The following EXOC5 variants were observed in gnomAD, a reference collection of about 807,000 sequenced individuals.
EXOC5 encodes SEC10-like 1.
A neutral mutation model predicts 90.8 loss-of-function variants in EXOC5; 17 were observed. That is an observed-to-expected ratio of 0.19 (90% CI 0.13 to 0.28). The LOEUF is 0.28. Among genes scored for constraint, EXOC5 ranks in the 10% least tolerant of loss-of-function variants. EXOC5 has a pLI of 1.00. For missense variants in EXOC5, 569 were observed against 830.6 expected, an observed-to-expected ratio of 0.69 and a Z score of 3.87; for synonymous variants, 260 against 270.0, an observed-to-expected ratio of 0.96 and a Z score of 0.36.
At position 57,205,705 on chromosome 14, in the gene EXOC5, A is replaced by T. The variant is rs1882630459; in HGVS notation, c.*2904T>A. 1 of 354,128 alleles carries T rather than the reference A, an allele frequency of 2.8e-6. No individual in the cohort carries two copies. Among genetic ancestry groups the T allele is most frequent in the Non-Finnish European group, 5.4e-6 (1 of 184,908 alleles). The allele number at this position is 354,128 out of a possible 1,614,324, so 21.9% of individuals were successfully genotyped here. On this transcript the variant is annotated 3_prime_UTR_variant, in exon 18 of 18. Coordinates refer to ENST00000621441, the MANE Select transcript of EXOC5 (RefSeq NM_006544.4). ...TTAAATTATTTCACTGTGAACCAGAAGGCTAGTATTTAGAAAGCAAAATAT... is the reference window on the plus strand; with the variant it reads ...TTAAATTATTTCACTGTGAACCAGATGGCTAGTATTTAGAAAGCAAAATAT...
Position 57,225,992 on chromosome 14 carries a change from A to C in EXOC5, c.1297-3576T>G, listed in dbSNP as rs543942932. Among the ~76,000 whole-genome samples, 17 of 152,278 alleles carry C rather than the reference A, an allele frequency of 1.1e-4. No homozygotes were observed. In the East Asian group the frequency reaches 3.3e-3, roughly 29 times the overall value. ...GTCAGAGGTGGGTAGAGGAATAATC[A>C]CTTGTGCCTTAATCTGGCTCGGTGA... On this transcript the variant is annotated intron_variant, in intron 12 of 17. Coordinates refer to ENST00000621441, the MANE Select transcript of EXOC5 (RefSeq NM_006544.4).
At chr14:57,235,865 C>T (rs1883641298) in intron 6 of EXOC5, 45 bp from the exon 7 acceptor site, 5 of 897,112 alleles carry the variant, frequency 5.6e-6, no homozygotes, top group Non-Finnish European at 7.3e-6. Flanking sequence ...ACAAGGCATC[C>T]ACGTTATTTA....
chr14:57,221,498 A>G (rs1027966617), intron 13 of EXOC5, among the ~76,000 whole-genome samples: 3 of 152,176 alleles, frequency 2.0e-5, no homozygotes, highest in Non-Finnish European at 4.4e-5. Context: ...GACAGAGATA[A>G]TGGTGTTTAA....
In EXOC5 at chr14:57,204,395, C is replaced by T. The variant is rs1347744774; in HGVS notation, c.*4214G>A. ...TTATGACAGCTTTTAAAACCCTTAACATGCAATTCTGATTACATGAAAATG... is the reference window on the plus strand; with the variant it reads ...TTATGACAGCTTTTAAAACCCTTAATATGCAATTCTGATTACATGAAAATG... On this transcript the variant is annotated 3_prime_UTR_variant, in exon 18 of 18. Coordinates refer to ENST00000621441, the MANE Select transcript of EXOC5 (RefSeq NM_006544.4). 1 of 152,078 alleles carries T rather than the reference C, an allele frequency of 6.6e-6. No homozygotes were observed. Among genetic ancestry groups the T allele is most frequent in the East Asian group, 1.9e-4 (1 of 5,192 alleles). The allele number at this position is 152,078 out of a possible 1,614,324, so 9.4% of individuals were successfully genotyped here.
intron 5 of EXOC5, among the ~76,000 whole-genome samples, chr14:57,238,387 C>T (rs1368344988): frequency 5.5e-5 from 8 of 146,780 alleles, no homozygotes; most frequent in South Asian, 4.3e-4. Flanking sequence ...CACACACACA[C>T]ACACACACAC....
intron 4 of EXOC5, chr14:57,243,158 T>G (rs1450721694): frequency 6.6e-6 from 1 of 152,138 alleles, no homozygotes; most frequent in East Asian, 1.9e-4. Context: ...TGTACAATGT[T>G]TGGGTGACAG....
At chr14:57,221,797 T>A (rs1883148493) in intron 13 of EXOC5, among the ~76,000 whole-genome samples, 1 of 152,160 alleles carries the variant, frequency 6.6e-6, no homozygotes. Flanking sequence ...TTGGATATGT[T>A]AAGTTTGAGA....
chr14:57,228,798 A>G (rs1249538023), intron 12 of EXOC5, among the ~76,000 whole-genome samples: 2 of 151,036 alleles, frequency 1.3e-5, no homozygotes, highest in African/African-American at 4.9e-5. Context: ...TGGCACGTGT[A>G]TACCTATGTA....
rs1157275954 is a variant in EXOC5, at chr14:57,232,631, C to A, written c.938+36G>T. ...TTTTTATCAAAAAAATTTAAAAAAT[C>A]TGTTATCTATTATTTTCTAATCATT... On this transcript the variant is annotated intron_variant, in intron 10 of 17. Transcript: ENST00000621441. The A allele has an allele frequency of 4.5e-6, 4 of 892,718 alleles. No individual in the cohort carries two copies. In the South Asian group the frequency reaches 5.2e-5, roughly 12 times the overall value. The allele number at this position is 892,718 out of a possible 1,614,324, so 55.3% of individuals were successfully genotyped here.
At chr14:57,238,361 T>TACACACACACAC (rs1190958646) in intron 5 of EXOC5, among the ~76,000 whole-genome samples, 1 of 71,528 alleles carries the variant, frequency 1.4e-5, no homozygotes, top group East Asian at 4.0e-4. Flanking sequence ...TATATATATA[T>TACACACACACAC]ATATATATAT....
rs560015725 is a variant in EXOC5 at position 57,233,850 on chromosome 14, C to T, written c.748G>A (p.Ala250Thr). The change falls in exon 9 of 18, where the codon GCT (alanine) becomes ACT (threonine). Residue 250 changes from alanine to threonine, a missense_variant. By Grantham distance (58) the Ala-to-Thr change is moderately conservative. Transcript: ENST00000621441. ...AYLRNDIFED[A>T]GILCQRVNKQ... ...TTCACTCTTTGACAGAGTATTCCAGCGTCTTCAAATATATCATTTCTCAAA... is the reference window on the plus strand; with the variant it reads ...TTCACTCTTTGACAGAGTATTCCAGTGTCTTCAAATATATCATTTCTCAAA... The T allele has an allele frequency of 2.5e-6, 4 of 1,610,046 alleles. No homozygotes were observed. The highest frequency in any genetic ancestry group is 4.5e-5 in the East Asian group (2 of 44,728).
chr14:57,238,371 TATATAC>T (rs1883740229), intron 5 of EXOC5, among the ~76,000 whole-genome samples: 3 of 97,286 alleles, frequency 3.1e-5, no homozygotes, highest in African/African-American at 1.1e-4. Context: ...TATATATATA[TATATAC>T]ACACACACAC....
intron 15 of EXOC5, among the ~76,000 whole-genome samples, chr14:57,210,476 A>G (rs1424376521): frequency 1.6e-4 from 24 of 152,214 alleles, no homozygotes; most frequent in Admixed American, 1.6e-3. Flanking sequence ...ACATAATAAG[A>G]TATCTTGGGG....
Position 57,231,545 on chromosome 14 carries a change from T to A in EXOC5, c.1109A>T (p.Asp370Val). Reference sequence around the variant, plus strand: ...GGATCTCTTTTGATGGTTTTTCGAATCATAATAGCGCTGTAGGATCATAGC... The same window carrying A: ...GGATCTCTTTTGATGGTTTTTCGAAACATAATAGCGCTGTAGGATCATAGC... ...RSAMILQRYY[D>V]SKNHQKRSIG... The change falls in exon 11 of 18, where the codon GAT becomes GTT. Residue 370 changes from aspartate (D) to valine (V), a missense_variant. Coordinates refer to ENST00000621441, the MANE Select transcript of EXOC5 (RefSeq NM_006544.4). The A allele has an allele frequency of 6.2e-7, 1 of 1,611,864 alleles. No homozygotes were observed. Among genetic ancestry groups the A allele is most frequent in the Admixed American group, 1.7e-5 (1 of 59,934 alleles).
intron 6 of EXOC5, 49 bp downstream of exon 6, chr14:57,237,289 G>T: frequency 2.1e-6 from 2 of 949,478 alleles, no homozygotes; most frequent in African/African-American, 1.6e-5. Flanking sequence ...TTTTACACAA[G>T]TAGTTTTTTT....
At chr14:57,238,886 T>C (rs1489212217) in intron 5 of EXOC5, among the ~76,000 whole-genome samples, 2 of 152,102 alleles carry the variant, frequency 1.3e-5, no homozygotes, top group Non-Finnish European at 2.9e-5. Flanking sequence ...ATCATATTTC[T>C]TTCAAATATT....
rs1869353645 is a variant in EXOC5, at chr14:57,205,591, C to T, written c.*3018G>A. 1 of 309,152 alleles carries T rather than the reference C, an allele frequency of 3.2e-6. No individual in the cohort carries two copies. Among genetic ancestry groups the T allele is most frequent in the Admixed American group, 5.0e-5 (1 of 20,198 alleles). The allele number at this position is 309,152 out of a possible 1,614,324, so 19.2% of individuals were successfully genotyped here. On this transcript the variant is annotated 3_prime_UTR_variant, in exon 18 of 18. Transcript: ENST00000621441. ...AAAATCAAAATCTCTTTATCCAGATCCTTGTAAATATTCACCATTACAGGT... is the reference window on the plus strand; with the variant it reads ...AAAATCAAAATCTCTTTATCCAGATTCTTGTAAATATTCACCATTACAGGT...
intron 12 of EXOC5, among the ~76,000 whole-genome samples, chr14:57,228,247 T>C (rs931193460): frequency 6.6e-6 from 1 of 152,188 alleles, no homozygotes; most frequent in African/African-American, 2.4e-5. Flanking sequence ...GCTTCTACAC[T>C]GCTGGTGGGA....
At chr14:57,256,164 T>C (rs1200896278) in intron 1 of EXOC5, among the ~76,000 whole-genome samples, 2 of 152,142 alleles carry the variant, frequency 1.3e-5, no homozygotes, top group African/African-American at 4.8e-5. Context: ...GGAGTGATCA[T>C]CTTTGGCTAG....
Sources: allele counts gnomAD v4.1 joint callset (sites outside exome capture counted in the v4.1 genomes callset), GRCh38; gene constraint gnomAD v4.1.1; transcripts MANE v1.5; gene names NCBI Gene and HGNC (gene_info 2026-07-23, HGNC 2026-07-21).